Variants in PANK3 observed in about 807,000 individuals in gnomAD.
The protein encoded by PANK3 is hPanK3.
Under a neutral mutation model 39.4 loss-of-function variants are expected in PANK3, and 20 were observed. That is an observed-to-expected ratio of 0.51 (90% CI 0.36 to 0.74). The LOEUF (loss-of-function observed/expected upper bound fraction) is 0.74. Among genes scored for constraint, PANK3 ranks in the 30% least tolerant of loss-of-function variants. The pLI, the probability that PANK3 is intolerant of heterozygous loss-of-function variation, is 0.00. For missense variants in PANK3, 265 were observed against 437.0 expected, an observed-to-expected ratio of 0.61 and a Z score of 3.51; for synonymous variants, 140 against 157.3, an observed-to-expected ratio of 0.89 and a Z score of 0.82.
chr5:168,573,953 C>T (rs1341045741), intron 1 of PANK3, among the ~76,000 whole-genome samples: 3 of 152,158 alleles, frequency 2.0e-5, no homozygotes, highest in South Asian at 4.2e-4. Flanking sequence ...GTCTTTGCTA[C>T]TGTGAATAAT....
chr5:168,570,619 AAAC>A (rs1163072834), intron 1 of PANK3, among the ~76,000 whole-genome samples: 3 of 152,192 alleles, frequency 2.0e-5, no homozygotes, highest in Admixed American at 6.5e-5. Flanking sequence ...GAAAATACTA[AAAC>A]AACAAAAAAC....
At chr5:168,561,821 T>C (rs1759453885) in intron 4 of PANK3, among the ~76,000 whole-genome samples, 1 of 152,194 alleles carries the variant, frequency 6.6e-6, no homozygotes, top group Non-Finnish European at 1.5e-5. Flanking sequence ...TTACAAAATG[T>C]TTCCAAAAGT....
rs751004990 is a variant in PANK3 at position 168,559,019 on chromosome 5, T to C, written c.1062+13A>G. The C allele has an allele frequency of 1.3e-6, 2 of 1,595,556 alleles. No homozygotes were observed. The highest frequency in any genetic ancestry group is 1.7e-6 in the Non-Finnish European group (2 of 1,173,040). ...TGCTATTAAAATTCACAAAAAACAT[T>C]TTCCTACCATACCTCATGTTCTAGA... On this transcript the variant is annotated intron_variant, in intron 6 of 6. Transcript: ENST00000239231.
At chr5:168,569,353 T>A (rs1418311134) in intron 1 of PANK3, among the ~76,000 whole-genome samples, 2 of 146,484 alleles carry the variant, frequency 1.4e-5, no homozygotes, top group African/African-American at 5.0e-5. Flanking sequence ...CCTGCCTAAT[T>A]TTTTTTTTTT....
rs114928857 is a variant in PANK3, at chr5:168,564,536, C to T, written c.636-471G>A. 3.9e-3 allele frequency among the ~76,000 whole-genome samples: 598 copies of T among 152,206 alleles called. 4 individuals carry two copies. Among genetic ancestry groups the T allele is most frequent in the African/African-American group, 0.013 (556 of 41,534 alleles). ...GTATCCTTGAACTCCTGGGCTCAAG[C>T]AATCTTCCTGTTCCAGCCTCCGCAG... is the stretch of plus-strand genomic sequence containing the variant. On this transcript the variant is annotated intron_variant, in intron 3 of 6. Transcript: ENST00000239231.
chr5:168,573,946 T>C (rs942832343), intron 1 of PANK3, among the ~76,000 whole-genome samples: 1 of 152,158 alleles, frequency 6.6e-6, no homozygotes, highest in African/African-American at 2.4e-5. Flanking sequence ...GTTCCAAGTC[T>C]TTGCTACTGT....
At position 168,566,168 on chromosome 5, in the gene PANK3, G is replaced by C; in HGVS notation, c.480C>G (p.Cys160Trp). Reference protein sequence around the residue: ...DSVSFNGQAECYYFANASEPE... With the variant: ...DSVSFNGQAEWYYFANASEPE... Reference sequence around the variant, plus strand: ...GTTCTGAGGCATTAGCAAAATAATAGCACTCGGCTTGTCCATTGAAACTGA... The same window carrying C: ...GTTCTGAGGCATTAGCAAAATAATACCACTCGGCTTGTCCATTGAAACTGA... The change falls in exon 3 of 7, where the codon TGC (cysteine) becomes TGG (tryptophan). Residue 160 changes from cysteine (C) to tryptophan (W), a missense_variant. Coordinates refer to ENST00000239231, the MANE Select transcript of PANK3 (RefSeq NM_024594.4). 6.2e-7 allele frequency: 1 copy of C among 1,613,962 alleles called. No homozygotes were observed. The highest frequency in any genetic ancestry group is 8.5e-7 in the Non-Finnish European group (1 of 1,180,004).
At chr5:168,564,395 A>G (rs772921836) in intron 3 of PANK3, among the ~76,000 whole-genome samples, 9 of 152,180 alleles carry the variant, frequency 5.9e-5, no homozygotes, top group Non-Finnish European at 1.3e-4. Context: ...AAAGGAATAA[A>G]TGTTAAAAAT....
chr5:168,576,495 TG>T (rs1010657362), intron 1 of PANK3, among the ~76,000 whole-genome samples: 7 of 152,218 alleles, frequency 4.6e-5, no homozygotes, highest in Non-Finnish European at 1.0e-4. Context: ...CCCCTGGCGT[TG>T]AATTAACACA....
chr5:168,553,326 G>A lies in PANK3; in HGVS notation c.*4245C>T, dbSNP rs1197922424. ...TGGGCACAAAACTTGTGCAGAGTCC[G>A]CATTACAAGCCAGTAATCTAGTGGC... On this transcript the variant is annotated 3_prime_UTR_variant, in exon 7 of 7. Transcript: ENST00000239231. The A allele has an allele frequency of 1.3e-5, 7 of 523,860 alleles. No homozygotes were observed. The highest frequency in any genetic ancestry group is 4.4e-5 in the South Asian group (3 of 68,316). The allele number at this position is 523,860 out of a possible 1,614,324, so 32.5% of individuals were successfully genotyped here.
At chr5:168,565,541 G>GT (rs1759510529) in intron 3 of PANK3, among the ~76,000 whole-genome samples, 1 of 151,970 alleles carries the variant, frequency 6.6e-6, no homozygotes, top group African/African-American at 2.4e-5. Flanking sequence ...ACATAATAAA[G>GT]TTTAAAATCA....
chr5:168,553,232 C>A lies in PANK3; in HGVS notation c.*4339G>T, dbSNP rs563470978. ...AAGATCTGGATCTCCAGAATACCAA[C>A]GACGTCCAGCTGGTTGAGAGCACTA... is the stretch of plus-strand genomic sequence containing the variant. On this transcript the variant is annotated 3_prime_UTR_variant, in exon 7 of 7. Coordinates refer to ENST00000239231, the MANE Select transcript of PANK3 (RefSeq NM_024594.4). The A allele has an allele frequency of 7.9e-6, 4 of 507,032 alleles. No homozygotes were observed. The highest frequency in any genetic ancestry group is 3.5e-4 in the Middle Eastern group (1 of 2,894). 31.4% of individuals were successfully genotyped at this position (507,032 alleles called of 1,614,324 possible).
intron 1 of PANK3, among the ~76,000 whole-genome samples, chr5:168,571,058 G>A (rs1380066027): frequency 6.6e-5 from 10 of 152,094 alleles, no homozygotes; most frequent in Non-Finnish European, 8.8e-5. Flanking sequence ...ATTATATACT[G>A]TATATATTCG....
rs2113125666 is a variant in PANK3 at position 168,570,510 on chromosome 5, T to G, written c.29-1512A>C. Among the ~76,000 whole-genome samples the G allele has an allele frequency of 1.3e-5, 2 of 151,254 alleles. 1 individual carries two copies. The highest frequency in any genetic ancestry group is 4.2e-4 in the South Asian group (2 of 4,796). On this transcript the variant is annotated intron_variant, in intron 1 of 6. Coordinates refer to ENST00000239231, the MANE Select transcript of PANK3 (RefSeq NM_024594.4). ...GAGCGCTCAATGTAGCAGGGGAATATAAATAAAACACATTAAGAACGAGAT... is the reference window on the plus strand; with the variant it reads ...GAGCGCTCAATGTAGCAGGGGAATAGAAATAAAACACATTAAGAACGAGAT...
chr5:168,562,600 G>T (rs1759464469), intron 4 of PANK3, among the ~76,000 whole-genome samples: 1 of 152,094 alleles, frequency 6.6e-6, no homozygotes, highest in African/African-American at 2.4e-5. Flanking sequence ...ATAAACAACA[G>T]AACAGTAAAT....
intron 1 of PANK3, among the ~76,000 whole-genome samples, chr5:168,570,120 C>T (rs561574149): frequency 1.3e-5 from 2 of 152,126 alleles, no homozygotes; most frequent in Admixed American, 6.6e-5. Context: ...CGGTGGCTTA[C>T]GCCTGTGATC....
At chr5:168,572,891 A>C (rs567845267) in intron 1 of PANK3, among the ~76,000 whole-genome samples, 1 of 152,204 alleles carries the variant, frequency 6.6e-6, no homozygotes, top group South Asian at 2.1e-4. Flanking sequence ...GTGGCGTGGG[A>C]ACCTAGTGTG....
In PANK3 at chr5:168,557,240, G is replaced by A. The variant is rs1759363679; in HGVS notation, c.*331C>T. 4.1e-5 allele frequency: 7 copies of A among 169,660 alleles called. No homozygotes were observed. The highest frequency in any genetic ancestry group is 1.7e-4 in the East Asian group (1 of 5,898). 10.5% of individuals were successfully genotyped at this position (169,660 alleles called of 1,614,324 possible). On this transcript the variant is annotated 3_prime_UTR_variant, in exon 7 of 7. Transcript: ENST00000239231. The stretch of plus-strand genomic sequence containing the variant: ...TATTCAGAGTCGATTATTTTCATAA[G>A]CTAAACAGTTCCGATACTTTAAGAT...
chr5:168,550,339 G>T lies in PANK3; in HGVS notation c.*7232C>A, dbSNP rs1759257536. 1 of 152,126 alleles carries T rather than the reference G, an allele frequency of 6.6e-6. No homozygotes were observed. The highest frequency in any genetic ancestry group is 2.4e-5 in the African/African-American group (1 of 41,424). 9.4% of individuals were successfully genotyped at this position (152,126 alleles called of 1,614,324 possible). A position where few individuals can be genotyped will look rare whatever the true frequency, so the allele number is the denominator to read the frequency against. On this transcript the variant is annotated 3_prime_UTR_variant, in exon 7 of 7. Coordinates refer to ENST00000239231, the MANE Select transcript of PANK3 (RefSeq NM_024594.4). ...GTATTAAATGTATTTTCAACTTACG[G>T]TATTTTCAATTTACAATGGGTCTAC...
Sources: gnomAD v4.1 joint callset for allele counts (sites outside exome capture counted in the v4.1 genomes callset) on GRCh38, gnomAD v4.1.1 for gene constraint, MANE v1.5 for transcripts, NCBI Gene and HGNC (gene_info 2026-07-23, HGNC 2026-07-21) for gene names.